Variants in POF1B observed in about 807,000 individuals in gnomAD.
The protein encoded by POF1B is POF1B actin binding protein.
In POF1B, 53 loss-of-function variants were observed where a neutral mutation model predicts 55.3. The observed-to-expected ratio is 0.96, with a 90% CI of 0.77 to 1.20. POF1B has a LOEUF of 1.20. POF1B is among the 50% of genes most tolerant of loss of function. POF1B has a pLI of 0.00. For synonymous variants in POF1B, 188 were observed against 148.3 expected (o/e 1.27, Z -1.95); for missense variants, 478 against 420.5 (o/e 1.14, Z -1.20).
At chrX:85,314,610 G>A in intron 8 of POF1B, 104 bp from the exon 9 acceptor site, 2 of 463,044 alleles carry the variant, frequency 4.3e-6, no homozygotes, top group South Asian at 7.1e-5. Context: ...AATATTAAAA[G>A]ACTAATTCAC....
At chrX:85,313,021 AT>A (rs757661921) in intron 9 of POF1B, among the ~76,000 whole-genome samples, 8 of 111,720 alleles carry the variant, frequency 7.2e-5, no homozygotes, top group Non-Finnish European at 1.3e-4. Context: ...TTGCACATTG[AT>A]TTTGTATCTT....
chrX:85,323,616 A>T (rs1196050509), intron 7 of POF1B, among the ~76,000 whole-genome samples: 4 of 105,560 alleles, frequency 3.8e-5, no homozygotes, highest in Middle Eastern at 4.8e-3. Flanking sequence ...TAAAAAATAA[A>T]AAAATAAAAA....
chrX:85,374,611 C>G (rs1425064138), intron 2 of POF1B, among the ~76,000 whole-genome samples: 1 of 111,980 alleles, frequency 8.9e-6, no homozygotes, highest in Non-Finnish European at 1.9e-5. Flanking sequence ...TTTGTGTATG[C>G]TCCTGTTACT....
chrX:85,289,913 T>C (rs1483676763), intron 15 of POF1B, among the ~76,000 whole-genome samples: 2 of 111,293 alleles, frequency 1.8e-5, no homozygotes, highest in African/African-American at 6.5e-5. Flanking sequence ...TGCTGACACA[T>C]AAAGGGAGGG....
At chrX:85,281,718 C>T (rs1931900982) in intron 16 of POF1B, among the ~76,000 whole-genome samples, 1 of 104,024 alleles carries the variant, frequency 9.6e-6, no homozygotes, top group Non-Finnish European at 1.9e-5. Context: ...CTTTCTAAAT[C>T]CTAATATATA....
At chrX:85,350,232 G>C (rs1276834775) in intron 5 of POF1B, among the ~76,000 whole-genome samples, 2 of 102,099 alleles carry the variant, frequency 2.0e-5, no homozygotes, top group Non-Finnish European at 4.0e-5. Context: ...CCCTTCTTGT[G>C]TCCATGTGTT....
At chrX:85,338,420 T>C (rs981525283) in intron 6 of POF1B, among the ~76,000 whole-genome samples, 4 of 111,896 alleles carry the variant, frequency 3.6e-5, no homozygotes, top group African/African-American at 1.3e-4. Flanking sequence ...AGTGTGTGTT[T>C]CCAGTTTGAC....
At chrX:85,318,163 A>T (rs2147914346) in intron 7 of POF1B, among the ~76,000 whole-genome samples, 1 of 111,449 alleles carries the variant, frequency 9.0e-6, no homozygotes, top group Non-Finnish European at 1.9e-5. Flanking sequence ...TGTACAACAA[A>T]CCCCCATGAC....
intron 7 of POF1B, among the ~76,000 whole-genome samples, chrX:85,329,646 A>ATTT (rs1384771238): frequency 0.026 from 2,602 of 101,061 alleles, 99 homozygotes; most frequent in African/African-American, 0.099. Context: ...TTTTTTTTTA[A>ATTT]AAAAAGAGAA....
intron 2 of POF1B, among the ~76,000 whole-genome samples, chrX:85,371,923 T>C (rs1933828720): frequency 8.9e-6 from 1 of 112,395 alleles, no homozygotes; most frequent in Non-Finnish European, 1.9e-5. Context: ...CTCTTCAATT[T>C]TGCAGGAAGA....
Position 85,306,278 on chromosome X carries a change from G to A in POF1B, c.1220C>T (p.Ser407Phe). The change falls in exon 12 of 17, where the codon TCT (serine) becomes TTT (phenylalanine). Residue 407 changes from serine to phenylalanine, a missense_variant. By Grantham distance (155) the Ser-to-Phe change is radical (BLOSUM62 -2). Transcript: ENST00000262753. ...CATGTCTGATAGTGTATGTCGAAGA[G>A]AGAGATTGTTTTCTTCCAATGCCTG... ...KCQALEENNL[S>F]LRHTLSDMEY... 8.3e-7 allele frequency: 1 copy of A among 1,208,361 alleles called. No homozygotes were observed. Among genetic ancestry groups the A allele is most frequent in the Non-Finnish European group, 1.1e-6 (1 of 892,837 alleles).
chrX:85,298,860 G>T (rs1009660902), intron 15 of POF1B, among the ~76,000 whole-genome samples: 1 of 110,972 alleles, frequency 9.0e-6, no homozygotes, highest in Non-Finnish European at 1.9e-5. Flanking sequence ...CTTGAGACCA[G>T]GAATTTGAGG....
chrX:85,280,850 A>G (rs1931880316), intron 16 of POF1B, among the ~76,000 whole-genome samples: 1 of 111,091 alleles, frequency 9.0e-6, no homozygotes, highest in South Asian at 3.8e-4. Flanking sequence ...ACCCAAGAGC[A>G]TTCTGTTAGC....
At chrX:85,341,719 T>C (rs771200775) in intron 6 of POF1B, among the ~76,000 whole-genome samples, 12 of 111,023 alleles carry the variant, frequency 1.1e-4, no homozygotes, top group African/African-American at 3.6e-4. Flanking sequence ...GCTGAGTTCA[T>C]TGAACTAACC....
At chrX:85,343,918 T>C (rs1933222248) in intron 6 of POF1B, among the ~76,000 whole-genome samples, 1 of 111,686 alleles carries the variant, frequency 9.0e-6, no homozygotes, top group South Asian at 3.7e-4. Flanking sequence ...CTTTACTGCA[T>C]GCTGGCTGTA....
At chrX:85,334,750 G>A (rs1263316927) in intron 6 of POF1B, among the ~76,000 whole-genome samples, 1 of 111,628 alleles carries the variant, frequency 9.0e-6, no homozygotes, top group Non-Finnish European at 1.9e-5. Flanking sequence ...TGCCTTGGAA[G>A]TTCTTGACCT....
chrX:85,287,886 T>C (rs1050722681), intron 15 of POF1B, among the ~76,000 whole-genome samples: 4 of 109,493 alleles, frequency 3.7e-5, no homozygotes, highest in African/African-American at 1.3e-4. Context: ...AAAAGGATAC[T>C]ACATTAATCC....
intron 6 of POF1B, among the ~76,000 whole-genome samples, chrX:85,343,449 T>C (rs1388430723): frequency 1.8e-5 from 2 of 110,896 alleles, no homozygotes; most frequent in African/African-American, 6.5e-5. Context: ...CTTAATCCTG[T>C]CATACAGTTC....
intron 3 of POF1B, among the ~76,000 whole-genome samples, chrX:85,359,856 A>G (rs1238172734): frequency 1.8e-5 from 2 of 111,293 alleles, no homozygotes; most frequent in Non-Finnish European, 3.8e-5. Context: ...ATTTCATGGT[A>G]TTTCATCCAC....
Sources: allele counts gnomAD v4.1 joint callset (sites outside exome capture counted in the v4.1 genomes callset), GRCh38; gene constraint gnomAD v4.1.1; transcripts MANE v1.5; gene names NCBI Gene and HGNC (gene_info 2026-07-23, HGNC 2026-07-21).